CACNA1I: variants seen among roughly 807,000 people sequenced by gnomAD.
The protein encoded by CACNA1I is calcium voltage-gated channel subunit alpha1 I.
CACNA1I carries 74 observed loss-of-function variants against 201.6 expected under a neutral mutation model. The observed-to-expected ratio is 0.37, with a 90% CI of 0.30 to 0.45. The LOEUF is 0.45. CACNA1I is among the 20% of genes least tolerant of loss of function. The pLI is 1.00. For synonymous variants in CACNA1I, 1,431 were observed against 1,345.2 expected, an observed-to-expected ratio of 1.06 and a Z score of -1.40; for missense variants, 2,346 against 3,138.1, an observed-to-expected ratio of 0.75 and a Z score of 6.03.
intron 1 of CACNA1I, among the ~76,000 whole-genome samples, chr22:39,573,240 C>T (rs1932243139): frequency 6.6e-6 from 1 of 152,110 alleles, no homozygotes; most frequent in Admixed American, 6.5e-5. Context: ...GGTGAGATGA[C>T]AAGAGTTGAT....
intron 32 of CACNA1I, 26 bp downstream of exon 32, chr22:39,679,471 G>T: frequency 7.2e-7 from 1 of 1,386,454 alleles, no homozygotes; most frequent in Non-Finnish European, 9.4e-7. Flanking sequence ...AGAGGTGTGA[G>T]GGTCGCCAGA....
At chr22:39,625,962 A>T (rs769626403) in intron 4 of CACNA1I, among the ~76,000 whole-genome samples, 4 of 152,236 alleles carry the variant, frequency 2.6e-5, no homozygotes, top group Non-Finnish European at 5.9e-5. Context: ...GTCACTGCCA[A>T]GGCCTGGCCA....
At position 39,673,094 on chromosome 22, in the gene CACNA1I, G is replaced by C. The variant is rs373243412; in HGVS notation, c.4783+12G>C. ...GCGCATTGCCCGAGGTGAGGGGCAA[G>C]GGGTGGGACAGGGAACGGGGACAAG... On this transcript the variant is annotated intron_variant, in intron 28 of 36. Transcript: ENST00000402142. The C allele has an allele frequency of 7.1e-5, 115 of 1,611,322 alleles. No individual in the cohort carries two copies. The African/African-American group carries it at 1.3e-3, about 18-fold the overall frequency.
chr22:39,663,880 C>G, intron 19 of CACNA1I, 39 bp downstream of exon 19: 1 of 1,610,854 alleles, frequency 6.2e-7, no homozygotes, highest in Non-Finnish European at 8.5e-7. Context: ...AGGCGCCAGG[C>G]CAAGGGACAG....
intron 16 of CACNA1I, among the ~76,000 whole-genome samples, chr22:39,661,723 A>G (rs918385476): frequency 3.9e-5 from 6 of 152,202 alleles, no homozygotes; most frequent in African/African-American, 7.2e-5. Context: ...ACCTTCCTCA[A>G]GGGAAGTGAG....
intron 3 of CACNA1I, among the ~76,000 whole-genome samples, chr22:39,603,028 T>A (rs2146372826): frequency 6.6e-6 from 1 of 152,158 alleles, no homozygotes; most frequent in South Asian, 2.1e-4. Context: ...GGTGCACTCC[T>A]GTAGTCCCAG....
rs1324800075 is a variant in CACNA1I, at chr22:39,659,328, G to A, written c.2331-105G>A. 14 of 952,756 alleles carry A rather than the reference G, an allele frequency of 1.5e-5. No individual in the cohort carries two copies. The highest frequency in any genetic ancestry group is 2.1e-4 in the Middle Eastern group (1 of 4,758). The allele number at this position is 952,756 out of a possible 1,614,324, so 59.0% of individuals were successfully genotyped here. The stretch of plus-strand genomic sequence containing the variant: ...TGTAAAATGGGACCAACGCTGCCCC[G>A]CCTCCCCCTGCCCTGCATTTTACTG... On this transcript the variant is annotated intron_variant, in intron 12 of 36. Coordinates refer to ENST00000402142, the MANE Select transcript of CACNA1I (RefSeq NM_021096.4). This position sits in a 1 kb window ranked among gnomAD's most constrained non-coding sequence, Gnocchi z 4.3.
Position 39,686,483 on chromosome 22 carries a change from A to G in CACNA1I, c.*78A>G. Reference sequence around the variant, plus strand: ...CCTCAGGAGCCAGGAGCAGACAGCAATACTTCGTCCACACCTGGGATCGCG... The same window carrying G: ...CCTCAGGAGCCAGGAGCAGACAGCAGTACTTCGTCCACACCTGGGATCGCG... On this transcript the variant is annotated 3_prime_UTR_variant, in exon 37 of 37. Coordinates refer to ENST00000402142, the MANE Select transcript of CACNA1I (RefSeq NM_021096.4). 1 of 1,057,758 alleles carries G rather than the reference A, an allele frequency of 9.5e-7. No homozygotes were observed. Among genetic ancestry groups the G allele is most frequent in the East Asian group, 3.5e-5 (1 of 28,514 alleles). 65.5% of individuals were successfully genotyped at this position (1,057,758 alleles called of 1,614,324 possible). A position where few individuals can be genotyped will look rare whatever the true frequency, so the allele number is the denominator to read the frequency against.
Position 39,649,943 on chromosome 22 carries a change from G to A in CACNA1I, c.1992+18G>A, listed in dbSNP as rs536915214. On this transcript the variant is annotated intron_variant, in intron 10 of 36. Coordinates refer to ENST00000402142, the MANE Select transcript of CACNA1I (RefSeq NM_021096.4). The surrounding 1 kb of genome is among the most constrained non-coding windows in gnomAD (Gnocchi z 7.3). ...ACGAGCAGGCCAGTGCAGCGCAGCCGGGCCGGGCCTGCGGGAGAGGTGTGA... is the reference window on the plus strand; with the variant it reads ...ACGAGCAGGCCAGTGCAGCGCAGCCAGGCCGGGCCTGCGGGAGAGGTGTGA... 50 of 1,612,386 alleles carry A rather than the reference G, an allele frequency of 3.1e-5. No individual in the cohort carries two copies. The Admixed American group carries it at 5.0e-4, about 16-fold the overall frequency.
chr22:39,635,472 A>G (rs954600025), intron 5 of CACNA1I, among the ~76,000 whole-genome samples: 2 of 152,114 alleles, frequency 1.3e-5, no homozygotes. Flanking sequence ...ACGTGGGGAC[A>G]CTGTACAGGT....
intron 1 of CACNA1I, among the ~76,000 whole-genome samples, chr22:39,577,568 C>T (rs983450073): frequency 1.5e-4 from 23 of 152,252 alleles, no homozygotes; most frequent in African/African-American, 4.8e-4. Flanking sequence ...GTACATCCAC[C>T]GAGCATTTCC....
chr22:39,577,316 G>A (rs559917277), intron 1 of CACNA1I, among the ~76,000 whole-genome samples: 107 of 152,314 alleles, frequency 7.0e-4, no homozygotes, highest in African/African-American at 2.5e-3. Flanking sequence ...GATTACAGGC[G>A]GGAGCCACTG....
chr22:39,677,387 C>A lies in CACNA1I; in HGVS notation c.4901C>A (p.Ala1634Asp). The change falls in exon 30 of 37, where the codon GCT becomes GAT. Residue 1634 changes from alanine to aspartate, a missense_variant. By Grantham distance (126) the Ala-to-Asp change is moderately radical. Coordinates refer to ENST00000402142, the MANE Select transcript of CACNA1I (RefSeq NM_021096.4). The surrounding 1 kb of genome is among the most constrained non-coding windows in gnomAD (Gnocchi z 4.8). ...LLFMLLFFIY[A>D]ALGVELFGKL... ...TTCATGCTGCTCTTCTTCATCTATG[C>A]TGCTCTCGGGGTGGAGCTCTTTGGG... 1 of 1,597,362 alleles carries A rather than the reference C, an allele frequency of 6.3e-7. No individual in the cohort carries two copies.
chr22:39,680,370 G>A (rs975106401), intron 33 of CACNA1I, among the ~76,000 whole-genome samples: 1 of 152,174 alleles, frequency 6.6e-6, no homozygotes, highest in East Asian at 1.9e-4. Flanking sequence ...CAGCAGTGTG[G>A]GCCCCTGAGC....
rs1419374539 is a variant in CACNA1I at position 39,685,845 on chromosome 22, C to T, written c.6112C>T (p.Leu2038=). 8 of 1,484,580 alleles carry T rather than the reference C, an allele frequency of 5.4e-6. 1 individual carries two copies. In the South Asian group the frequency reaches 6.3e-5, roughly 12 times the overall value. 92.0% of individuals were successfully genotyped at this position (1,484,580 alleles called of 1,614,324 possible). A position where few individuals can be genotyped will look rare whatever the true frequency, so the allele number is the denominator to read the frequency against. Residue 2038 remains leucine (L), a synonymous_variant, in exon 37 of 37, where the codon CTG becomes TTG. Transcript: ENST00000402142. This position sits in a 1 kb window ranked among gnomAD's most constrained non-coding sequence, Gnocchi z 5.0. ...GACCACGCTCGAGGACAGCCTGACC[C>T]TGAGCGACAGCCCCCGGCGTGCCCT... ...LQTTLEDSLT[L]SDSPRRALGP...
Position 39,628,532 on chromosome 22 carries a change from G to C in CACNA1I, c.581-6033G>C, listed in dbSNP as rs1003651790. On this transcript the variant is annotated intron_variant, in intron 4 of 36. Coordinates refer to ENST00000402142, the MANE Select transcript of CACNA1I (RefSeq NM_021096.4). ...AGGGACCTGAGGCCTCTCCTGGGATGGGGGAAGTGAGCTGCTGGCTGGCTG... is the reference window on the plus strand; with the variant it reads ...AGGGACCTGAGGCCTCTCCTGGGATCGGGGAAGTGAGCTGCTGGCTGGCTG... Among the ~76,000 whole-genome samples, 3 of 152,076 alleles carry C rather than the reference G, an allele frequency of 2.0e-5. No individual in the cohort carries two copies. The South Asian group carries it at 6.2e-4, about 32-fold the overall frequency.
In CACNA1I at chr22:39,586,007, G is replaced by A. The variant is rs139186212; in HGVS notation, c.237-12144G>A. On this transcript the variant is annotated intron_variant, in intron 1 of 36. Coordinates refer to ENST00000402142, the MANE Select transcript of CACNA1I (RefSeq NM_021096.4). ...CTCCTGGCCAACATGGTGAAACCCC[G>A]TCTCTACTAAAAATACAAAAATTAG... is the stretch of plus-strand genomic sequence containing the variant. 1.6e-3 allele frequency among the ~76,000 whole-genome samples: 236 copies of A among 151,418 alleles called. 9 individuals are homozygous for A. The East Asian group carries it at 0.038, about 25-fold the overall frequency.
chr22:39,660,337 C>CT lies in CACNA1I; in HGVS notation c.2605-6dup, dbSNP rs753171029. ...CCTGCATTCTAACGTGACGGATGCTCTCCCAGGGTGACGCCAATCGCTCCT... is the reference window on the plus strand; with the variant it reads ...CCTGCATTCTAACGTGACGGATGCTCTTCCCAGGGTGACGCCAATCGCTCCT... On this transcript the variant is annotated splice_polypyrimidine_tract_variant and splice_region_variant and intron_variant, in intron 14 of 36. Transcript: ENST00000402142. 5 of 1,610,248 alleles carry CT rather than the reference C, an allele frequency of 3.1e-6. No homozygotes were observed. Among genetic ancestry groups the CT allele is most frequent in the Non-Finnish European group, 8.5e-7 (1 of 1,178,008 alleles).
intron 2 of CACNA1I, among the ~76,000 whole-genome samples, chr22:39,599,721 CA>C (rs925959869): frequency 6.6e-6 from 1 of 151,624 alleles, no homozygotes; most frequent in African/African-American, 2.4e-5. Context: ...GAGTGGGTAA[CA>C]AGCTCCTCAG....
Sources: allele counts gnomAD v4.1 joint callset (sites outside exome capture counted in the v4.1 genomes callset), GRCh38; gene constraint gnomAD v4.1.1; non-coding constraint Gnocchi (gnomAD v3.1); transcripts MANE v1.5; gene names NCBI Gene and HGNC (gene_info 2026-07-23, HGNC 2026-07-21).